Variants in STXBP5 observed in about 807,000 individuals in gnomAD.
The protein encoded by STXBP5 is syntaxin-binding protein 5.
Under a neutral mutation model 152.4 loss-of-function variants are expected in STXBP5, and 50 were observed. That is an observed-to-expected ratio of 0.33 (90% CI 0.26 to 0.42). The LOEUF (loss-of-function observed/expected upper bound fraction) is 0.42. STXBP5 is among the 10% of genes least tolerant of loss of function. The pLI, the probability that STXBP5 is intolerant of heterozygous loss-of-function variation, is 1.00. For synonymous variants in STXBP5, 492 were observed against 494.7 expected, an observed-to-expected ratio of 0.99 and a Z score of 0.07; for missense variants, 1,167 against 1,388.6, an observed-to-expected ratio of 0.84 and a Z score of 2.54.
At chr6:147,270,042 G>A (rs1306540518) in intron 7 of STXBP5, among the ~76,000 whole-genome samples, 1 of 152,064 alleles carries the variant, frequency 6.6e-6, no homozygotes, top group African/African-American at 2.4e-5. Context: ...TAATAGAGAA[G>A]ATTATGAGAA....
chr6:147,374,557 G>A (rs1362899491), intron 26 of STXBP5, among the ~76,000 whole-genome samples: 1 of 152,030 alleles, frequency 6.6e-6, no homozygotes, highest in Non-Finnish European at 1.5e-5. Flanking sequence ...CTGATAATTT[G>A]GGATAAAATT....
intron 2 of STXBP5, among the ~76,000 whole-genome samples, chr6:147,225,544 A>G (rs1041224298): frequency 6.6e-6 from 1 of 152,206 alleles, no homozygotes; most frequent in Non-Finnish European, 1.5e-5. Context: ...GAAAAGATAT[A>G]TAATCTTACA....
chr6:147,277,409 T>C (rs950527300), intron 7 of STXBP5, among the ~76,000 whole-genome samples: 25 of 152,106 alleles, frequency 1.6e-4, no homozygotes, highest in African/African-American at 6.0e-4. Flanking sequence ...GGAGAGTGAT[T>C]TAAAAAGTTT....
intron 21 of STXBP5, among the ~76,000 whole-genome samples, chr6:147,350,095 C>T (rs1014878604): frequency 4.6e-5 from 7 of 152,078 alleles, no homozygotes; most frequent in African/African-American, 1.7e-4. Context: ...AGTAAAATTA[C>T]TGTATTCAAC....
At chr6:147,368,945 A>T (rs1376225719) in intron 25 of STXBP5, among the ~76,000 whole-genome samples, 1 of 151,922 alleles carries the variant, frequency 6.6e-6, no homozygotes, top group Non-Finnish European at 1.5e-5. Context: ...AATTTTTTAA[A>T]GTCTTAAAAA....
intron 9 of STXBP5, among the ~76,000 whole-genome samples, chr6:147,305,039 C>G (rs1359974651): frequency 6.6e-6 from 1 of 152,058 alleles, no homozygotes; most frequent in Non-Finnish European, 1.5e-5. Context: ...TAGAGTAAGT[C>G]AAGTAATAGT....
rs1011327797 is a variant in STXBP5 at position 147,231,395 on chromosome 6, A to G, written c.249-3855A>G. Among the ~76,000 whole-genome samples, 5 of 151,864 alleles carry G rather than the reference A, an allele frequency of 3.3e-5. No homozygotes were observed. The South Asian group carries it at 6.2e-4, about 19-fold the overall frequency. On this transcript the variant is annotated intron_variant, in intron 2 of 27. Transcript: ENST00000321680. ...TCTAGCTGTGCAGAAATTATCTGACATGTATCATGGGTCAGATAAATTAAC... is the reference window on the plus strand; with the variant it reads ...TCTAGCTGTGCAGAAATTATCTGACGTGTATCATGGGTCAGATAAATTAAC...
At chr6:147,324,321 G>A (rs1783111082) in intron 16 of STXBP5, among the ~76,000 whole-genome samples, 1 of 120,274 alleles carries the variant, frequency 8.3e-6, no homozygotes, top group South Asian at 2.8e-4. Context: ...TGCCCAGGCT[G>A]GAGTACAATG....
intron 9 of STXBP5, chr6:147,293,459 A>G (rs1781376977): frequency 1.3e-5 from 2 of 152,022 alleles, no homozygotes; most frequent in Admixed American, 6.5e-5. Flanking sequence ...TGTGCTACCC[A>G]CTCCAGCTAG....
chr6:147,211,763 C>G (rs929435659), intron 2 of STXBP5, among the ~76,000 whole-genome samples: 1 of 151,960 alleles, frequency 6.6e-6, no homozygotes, highest in African/African-American at 2.4e-5. Context: ...TTATTTTTGG[C>G]GGAGACAGAG....
At chr6:147,283,748 C>G (rs1369882654) in intron 8 of STXBP5, among the ~76,000 whole-genome samples, 2 of 152,164 alleles carry the variant, frequency 1.3e-5, no homozygotes, top group East Asian at 3.9e-4. Flanking sequence ...CCTTAAACAA[C>G]ACATCATAAA....
intron 4 of STXBP5, among the ~76,000 whole-genome samples, chr6:147,255,535 G>A (rs1779316646): frequency 6.7e-6 from 1 of 148,686 alleles, no homozygotes; most frequent in African/African-American, 2.4e-5. Flanking sequence ...GTTGTTTTTT[G>A]TTTAAGGAGG....
intron 8 of STXBP5, among the ~76,000 whole-genome samples, chr6:147,280,238 T>TATAGAACG (rs1356059768): frequency 6.6e-6 from 1 of 152,144 alleles, no homozygotes; most frequent in Non-Finnish European, 1.5e-5. Flanking sequence ...TCAGTTATTT[T>TATAGAACG]ATAGAACGTG....
intron 6 of STXBP5, among the ~76,000 whole-genome samples, chr6:147,266,827 G>A (rs1582865877): frequency 1.3e-5 from 2 of 152,186 alleles, no homozygotes; most frequent in South Asian, 4.1e-4. Flanking sequence ...GTTTTGAAAA[G>A]ACTTCAAAAT....
intron 1 of STXBP5, 88 bp from the exon 2 acceptor site, chr6:147,205,883 G>A (rs1157983019): frequency 5.2e-6 from 5 of 961,090 alleles, no homozygotes; most frequent in African/African-American, 1.6e-5. Context: ...AGTGGTAGTG[G>A]TTCTAAATTC....
chr6:147,320,417 T>A (rs539138765), intron 16 of STXBP5, among the ~76,000 whole-genome samples: 77 of 152,218 alleles, frequency 5.1e-4, no homozygotes, highest in Non-Finnish European at 7.4e-4. Flanking sequence ...ACATTAATTA[T>A]TTCCATATTT....
chr6:147,225,280 T>C (rs78327767), intron 2 of STXBP5, among the ~76,000 whole-genome samples: 3 of 152,158 alleles, frequency 2.0e-5, no homozygotes, highest in East Asian at 3.8e-4. Flanking sequence ...GGATAACTTA[T>C]TGTCATTTCT....
At chr6:147,383,086 A>C in intron 27 of STXBP5, 88 bp downstream of exon 27, 4 of 1,437,768 alleles carry the variant, frequency 2.8e-6, no homozygotes, top group Non-Finnish European at 3.8e-6. Context: ...TTGTATTTCT[A>C]CACCCATGAA....
At chr6:147,345,124 A>C (rs540152628) in intron 21 of STXBP5, among the ~76,000 whole-genome samples, 10 of 152,124 alleles carry the variant, frequency 6.6e-5, no homozygotes, top group African/African-American at 2.4e-4. Flanking sequence ...TTTTCACTTT[A>C]TTTCTTTTCA....
Sources: allele counts gnomAD v4.1 joint callset (sites outside exome capture counted in the v4.1 genomes callset), GRCh38; gene constraint gnomAD v4.1.1; transcripts MANE v1.5; gene names NCBI Gene and HGNC (gene_info 2026-07-23, HGNC 2026-07-21).